GANC: variants seen among roughly 807,000 people sequenced by gnomAD.
The protein encoded by GANC is glucosidase alpha, neutral C.
A neutral mutation model predicts 124.2 loss-of-function variants in GANC; 117 were observed. The ratio of observed to expected loss-of-function variants is 0.94; its 90% CI spans 0.81 to 1.10. The LOEUF (loss-of-function observed/expected upper bound fraction) is 1.10, where lower values mean the gene tolerates loss of function less well. GANC is among the 50% of genes least tolerant of loss of function. The pLI is 0.00. For missense variants in GANC, 1,140 were observed against 1,095.0 expected (o/e 1.04, Z -0.58); for synonymous variants, 377 against 376.8 (o/e 1.00, Z -0.01).
intron 5 of GANC, among the ~76,000 whole-genome samples, chr15:42,295,684 ACAC>A (rs2051884655): frequency 1.5e-5 from 2 of 130,560 alleles, no homozygotes; most frequent in African/African-American, 5.3e-5. Context: ...ACACACACAC[ACAC>A]AGCGTGAACA....
chr15:42,284,134 A>G (rs953088222), intron 3 of GANC: 2 of 611,530 alleles, frequency 3.3e-6, no homozygotes, highest in African/African-American at 3.7e-5. Context: ...CCTCAGGAAA[A>G]GCAAGATCAA....
chr15:42,326,530 A>G, intron 12 of GANC, 106 bp downstream of exon 12: 5 of 1,540,602 alleles, frequency 3.2e-6, no homozygotes, highest in South Asian at 2.6e-5. Context: ...TTGCTCCTCT[A>G]GCTACATTTT....
intron 6 of GANC, 93 bp downstream of exon 6, chr15:42,297,749 G>GAAGAAA: frequency 2.3e-6 from 2 of 873,152 alleles, no homozygotes; most frequent in Non-Finnish European, 3.5e-6. Context: ...TCTACAGAAG[G>GAAGAAA]GTGCTTGTTA....
At chr15:42,297,570 T>G in intron 5 of GANC, 41 bp from the exon 6 acceptor site, 1 of 1,538,444 alleles carries the variant, frequency 6.5e-7, no homozygotes, top group South Asian at 1.1e-5. Flanking sequence ...ATTCTGTCAG[T>G]CTTGCCATTG....
chr15:42,278,743 C>G (rs977034189), intron 3 of GANC, among the ~76,000 whole-genome samples, 153 bp downstream of exon 3: 1 of 152,198 alleles, frequency 6.6e-6, no homozygotes. Flanking sequence ...CCTGTAATCC[C>G]AGCACTCTGG....
At chr15:42,327,093 A>G (rs1022539915) in intron 12 of GANC, among the ~76,000 whole-genome samples, 1 of 152,086 alleles carries the variant, frequency 6.6e-6, no homozygotes, top group African/African-American at 2.4e-5. Context: ...TCCTTGGGCT[A>G]TATTAGGCCA....
At chr15:42,275,437 A>G (rs1407531130) in intron 1 of GANC, among the ~76,000 whole-genome samples, 1 of 152,182 alleles carries the variant, frequency 6.6e-6, no homozygotes, top group African/African-American at 2.4e-5. Flanking sequence ...AAGGACAAAC[A>G]GTTTTTTAGT....
In GANC at chr15:42,339,816, G is replaced by C; in HGVS notation, c.1991G>C (p.Arg664Pro). Residue 664 changes from arginine to proline, a missense_variant, in exon 17 of 24, where the codon CGA (arginine) becomes CCA (proline). Physicochemically the swap from Arg to Pro is moderately radical, Grantham distance 103. Transcript: ENST00000318010. Reference sequence around the variant, plus strand: ...TGGCTCTTTGGGGAGGAACACACCCGACTCATCCGAGAAGCCATCAGAGAG... The same window carrying C: ...TGGCTCTTTGGGGAGGAACACACCCCACTCATCCGAGAAGCCATCAGAGAG... ...EPWLFGEEHTRLIREAIRERY... is the reference protein window; with the variant it reads ...EPWLFGEEHTPLIREAIRERY... 1 of 1,614,072 alleles carries C rather than the reference G, an allele frequency of 6.2e-7. No individual in the cohort carries two copies. The highest frequency in any genetic ancestry group is 1.1e-5 in the South Asian group (1 of 91,068).
chr15:42,295,415 T>A (rs534938323), intron 5 of GANC, among the ~76,000 whole-genome samples: 1 of 152,070 alleles, frequency 6.6e-6, no homozygotes, highest in Non-Finnish European at 1.5e-5. Context: ...TTAAGTTAGA[T>A]TTTAACCTCA....
intron 6 of GANC, among the ~76,000 whole-genome samples, chr15:42,305,242 A>G (rs925152772): frequency 2.6e-5 from 4 of 152,196 alleles, no homozygotes; most frequent in Admixed American, 6.5e-5. Context: ...AGAATCTACA[A>G]GGAACTTAAA....
Position 42,292,887 on chromosome 15 carries a change from T to C in GANC, c.482T>C (p.Phe161Ser). 3 of 1,614,106 alleles carry C rather than the reference T, an allele frequency of 1.9e-6. No homozygotes were observed. Among genetic ancestry groups the C allele is most frequent in the East Asian group, 4.5e-5 (2 of 44,878 alleles). ...ATAAATTCCCTGGGCCAATTATACTTTGAGCATCTACAGATTCTTCACAAA... is the reference window on the plus strand; with the variant it reads ...ATAAATTCCCTGGGCCAATTATACTCTGAGCATCTACAGATTCTTCACAAA... ...ISINSLGQLY[F>S]EHLQILHKQR... The change falls in exon 5 of 24, where the codon TTT (phenylalanine) becomes TCT (serine). Residue 161 changes from phenylalanine (F) to serine (S), a missense_variant. Phe to Ser is a radical substitution (Grantham distance 155). Coordinates refer to ENST00000318010, the MANE Select transcript of GANC (RefSeq NM_198141.3).
chr15:42,273,535 G>C lies in GANC; in HGVS notation c.-947G>C, dbSNP rs2051609871. On this transcript the variant is annotated 5_prime_UTR_variant, in exon 1 of 24. Coordinates refer to ENST00000318010, the MANE Select transcript of GANC (RefSeq NM_198141.3). ...GAGCTTGTTTGCTGTGCGGCGTAGCGGCCCCTCTCTCAGACAGTCGTCTGT... is the reference window on the plus strand; with the variant it reads ...GAGCTTGTTTGCTGTGCGGCGTAGCCGCCCCTCTCTCAGACAGTCGTCTGT... 4 of 1,423,156 alleles carry C rather than the reference G, an allele frequency of 2.8e-6. No homozygotes were observed. Among genetic ancestry groups the C allele is most frequent in the Non-Finnish European group, 3.7e-6 (4 of 1,068,820 alleles). The allele number at this position is 1,423,156 out of a possible 1,614,324, so 88.2% of individuals were successfully genotyped here.
In GANC at chr15:42,276,286, T is replaced by G; in HGVS notation, c.30-62T>G. The G allele has an allele frequency of 8.8e-6, 7 of 792,174 alleles. No homozygotes were observed. In the South Asian group the frequency reaches 9.8e-5, roughly 11 times the overall value. 49.1% of individuals were successfully genotyped at this position (792,174 alleles called of 1,614,324 possible). A position where few individuals can be genotyped will look rare whatever the true frequency, so the allele number is the denominator to read the frequency against. On this transcript the variant is annotated intron_variant, in intron 1 of 23. Transcript: ENST00000318010. ...ATGTTCATACTGTCGTTAGAGAAGG[T>G]ACAAAAGTTGGATTCACAAGCCCTG...
Position 42,330,680 on chromosome 15 carries a change from A to G in GANC, c.1741+8A>G, listed in dbSNP as rs2052236682. The G allele has an allele frequency of 5.0e-6, 8 of 1,591,358 alleles. No individual in the cohort carries two copies. In the African/African-American group the frequency reaches 8.2e-5, roughly 16 times the overall value. ...CTGGATCACAAAAGTATGGTAAGGA[A>G]TGGCTCATATCAGACTTAAAAACAC... is the stretch of plus-strand genomic sequence containing the variant. On this transcript the variant is annotated splice_region_variant and intron_variant, in intron 15 of 23. Coordinates refer to ENST00000318010, the MANE Select transcript of GANC (RefSeq NM_198141.3).
intron 8 of GANC, among the ~76,000 whole-genome samples, chr15:42,309,899 A>G (rs2052034492): frequency 6.6e-6 from 1 of 152,120 alleles, no homozygotes; most frequent in Non-Finnish European, 1.5e-5. Flanking sequence ...ACGCACCTGT[A>G]TTCCCCGCTA....
At chr15:42,304,286 TAAAC>T (rs998745662) in intron 6 of GANC, among the ~76,000 whole-genome samples, 1 of 152,054 alleles carries the variant, frequency 6.6e-6, no homozygotes, top group African/African-American at 2.4e-5. Context: ...AAGGCAGAAA[TAAAC>T]AAGTTCTTTG....
At chr15:42,311,543 G>T (rs1207008589) in intron 10 of GANC, among the ~76,000 whole-genome samples, 1 of 152,178 alleles carries the variant, frequency 6.6e-6, no homozygotes, top group Non-Finnish European at 1.5e-5. Flanking sequence ...TTGGCTCATG[G>T]TCCTGCAGGC....
At chr15:42,329,846 T>C (rs990313474) in intron 14 of GANC, among the ~76,000 whole-genome samples, 8 of 152,250 alleles carry the variant, frequency 5.3e-5, no homozygotes, top group Non-Finnish European at 1.0e-4. Context: ...GCAAATCTTA[T>C]ATTCACACTG....
At chr15:42,325,820 G>C (rs898039959) in intron 11 of GANC, among the ~76,000 whole-genome samples, 3 of 152,150 alleles carry the variant, frequency 2.0e-5, no homozygotes, top group African/African-American at 7.2e-5. Context: ...GCAGTATCAT[G>C]ATCATGGCTC....
Sources: allele counts gnomAD v4.1 joint callset (sites outside exome capture counted in the v4.1 genomes callset), GRCh38; gene constraint gnomAD v4.1.1; transcripts MANE v1.5; gene names NCBI Gene and HGNC (gene_info 2026-07-23, HGNC 2026-07-21).